The following ACOT6 variants were observed in gnomAD, a reference collection of about 807,000 sequenced individuals.
The protein encoded by ACOT6 is acyl-coenzyme A thioesterase 6.
Under a neutral mutation model 12.3 loss-of-function variants are expected in ACOT6, and 14 were observed. That is an observed-to-expected ratio of 1.14 (90% CI 0.75 to 1.78). ACOT6 has a LOEUF of 1.78. Ranked by LOEUF, ACOT6 falls within the 40% of genes most tolerant of loss-of-function variation. The pLI is 0.00. For synonymous variants in ACOT6, 218 were observed against 231.3 expected (o/e 0.94, Z 0.52); for missense variants, 523 against 551.8 (o/e 0.95, Z 0.52).
chr14:73,619,314 C>T lies in ACOT6; in HGVS notation c.741C>T (p.Gly247=). 1 of 1,613,702 alleles carries T rather than the reference C, an allele frequency of 6.2e-7. No individual in the cohort carries two copies. The highest frequency in any genetic ancestry group is 8.5e-7 in the Non-Finnish European group (1 of 1,179,912). The part of the protein sequence containing the change: ...LCLSMASFLK[G]ITATVLINAC... ...TCTCAATGGCTTCTTTCTTGAAGGG[C>T]ATCACAGCCACTGTACTTATCAATG... The change falls in exon 3 of 3, where the codon GGC becomes GGT. Residue 247 remains glycine, a synonymous_variant. Coordinates refer to ENST00000645972, the MANE Select transcript of ACOT6 (RefSeq NM_001365788.1).
rs1890594032 is a variant in ACOT6 at position 73,619,441 on chromosome 14, C to T, written c.868C>T (p.Leu290Phe). 1.9e-6 allele frequency: 3 copies of T among 1,614,182 alleles called. No individual in the cohort carries two copies. Among genetic ancestry groups the T allele is most frequent in the Non-Finnish European group, 2.5e-6 (3 of 1,180,026 alleles). ...GKVKITKSGF[L>F]TFMDTWSNPL... ...AGTAAAAATCACTAAGTCAGGATTTCTCACTTTTATGGACACTTGGAGCAA... is the reference window on the plus strand; with the variant it reads ...AGTAAAAATCACTAAGTCAGGATTTTTCACTTTTATGGACACTTGGAGCAA... Residue 290 changes from leucine to phenylalanine, a missense_variant, in exon 3 of 3, where the codon CTC (leucine) becomes TTC (phenylalanine). This residue lies in a region of ACOT6 where 219 missense variants were observed against 277.0 expected (regional missense o/e 0.79). Coordinates refer to ENST00000645972, the MANE Select transcript of ACOT6 (RefSeq NM_001365788.1).
intron 1 of ACOT6, among the ~76,000 whole-genome samples, chr14:73,615,645 G>A (rs533119076): frequency 2.0e-5 from 3 of 151,924 alleles, no homozygotes; most frequent in Admixed American, 6.6e-5. Flanking sequence ...CAGGAGAATC[G>A]CTTGAACCCG....
chr14:73,612,557 T>G lies in ACOT6; in HGVS notation c.-15T>G. The G allele has an allele frequency of 7.4e-7, 1 of 1,354,820 alleles. No homozygotes were observed. Among genetic ancestry groups the G allele is most frequent in the Non-Finnish European group, 9.6e-7 (1 of 1,040,492 alleles). The allele number at this position is 1,354,820 out of a possible 1,614,324, so 83.9% of individuals were successfully genotyped here. The stretch of plus-strand genomic sequence containing the variant: ...CTCCGCGGAGCTGGGTCGCCCCTGT[T>G]CTACCCAGATTGGGATGGCAGCGAC... On this transcript the variant is annotated 5_prime_UTR_variant, in exon 1 of 3. Coordinates refer to ENST00000645972, the MANE Select transcript of ACOT6 (RefSeq NM_001365788.1).
chr14:73,618,195 T>C (rs17128957), intron 2 of ACOT6, among the ~76,000 whole-genome samples: 9,677 of 152,144 alleles, frequency 0.064, 431 homozygotes, highest in East Asian at 0.19. Flanking sequence ...TAATTAAAAA[T>C]GGAATTATAT....
intron 1 of ACOT6, among the ~76,000 whole-genome samples, chr14:73,614,912 C>T (rs1268455201): frequency 6.7e-6 from 1 of 148,354 alleles, no homozygotes; most frequent in African/African-American, 2.5e-5. Context: ...GCCTGACCAA[C>T]ATGGTGAAAC....
intron 2 of ACOT6, among the ~76,000 whole-genome samples, chr14:73,618,641 T>C (rs930622688): frequency 2.0e-5 from 3 of 152,136 alleles, no homozygotes; most frequent in Non-Finnish European, 4.4e-5. Context: ...TATACTGTAT[T>C]TAACAGTTTG....
chr14:73,612,496 C>G (rs1890459158), upstream of ACOT6: 1 of 1,025,384 alleles, frequency 9.8e-7, no homozygotes, highest in South Asian at 2.6e-5. Flanking sequence ...CGACTACTTT[C>G]CAGCGCTCGG....
rs1890474525 is a variant in ACOT6 at position 73,612,983 on chromosome 14, C to G, written c.412C>G (p.Pro138Ala). ...TCTCCGGCCGGGGGTGCGGCGCGAG[C>G]CGGTGCGCGCGGGCCCGGTGCGCGC... is the stretch of plus-strand genomic sequence containing the variant. ...DFLRPGVRRE[P>A]VRAGPVRAAL... Residue 138 changes from proline to alanine, a missense_variant, in exon 1 of 3, where the codon CCG (proline) becomes GCG (alanine). Physicochemically the swap from Pro to Ala is conservative, Grantham distance 27 (BLOSUM62 -1). Transcript: ENST00000645972. The G allele has an allele frequency of 1.3e-5, 15 of 1,120,498 alleles. No individual in the cohort carries two copies. The highest frequency in any genetic ancestry group is 1.6e-5 in the Non-Finnish European group (13 of 834,000). 69.4% of individuals were successfully genotyped at this position (1,120,498 alleles called of 1,614,324 possible). A position where few individuals can be genotyped will look rare whatever the true frequency, so the allele number is the denominator to read the frequency against.
intron 1 of ACOT6, among the ~76,000 whole-genome samples, chr14:73,614,548 T>C (rs905910726): frequency 6.6e-6 from 1 of 151,518 alleles, no homozygotes. Flanking sequence ...AAGACTAGCC[T>C]GGCCAACATG....
chr14:73,612,716 C>CACGCGCGCTACCGTGCCG lies in ACOT6; in HGVS notation c.150_167dup (p.Tyr52_Arg57dup), dbSNP rs1295757344. 5 of 1,387,118 alleles carry CACGCGCGCTACCGTGCCG rather than the reference C, an allele frequency of 3.6e-6. No individual in the cohort carries two copies. Among genetic ancestry groups the CACGCGCGCTACCGTGCCG allele is most frequent in the East Asian group, 3.1e-5 (1 of 32,718 alleles). 85.9% of individuals were successfully genotyped at this position (1,387,118 alleles called of 1,614,324 possible). On this transcript the variant is annotated inframe_insertion, in exon 1 of 3. Transcript: ENST00000645972. Reference sequence around the variant, plus strand: ...CGAAGAGGGCGCGCTCTTCCGGGCCCACGCGCGCTACCGTGCCGACGCCCG... The same window carrying CACGCGCGCTACCGTGCCG: ...CGAAGAGGGCGCGCTCTTCCGGGCCCACGCGCGCTACCGTGCCGACGCGCGCTACCGTGCCGACGCCCG...
rs575550284 is a variant in ACOT6 at position 73,612,687 on chromosome 14, G to T, written c.116G>T (p.Arg39Leu). 4.3e-4 allele frequency: 611 copies of T among 1,406,900 alleles called. 7 individuals carry two copies. The highest frequency in any genetic ancestry group is 1.2e-4 in the Non-Finnish European group (128 of 1,085,380). 87.2% of individuals were successfully genotyped at this position (1,406,900 alleles called of 1,614,324 possible). A position where few individuals can be genotyped will look rare whatever the true frequency, so the allele number is the denominator to read the frequency against. The change falls in exon 1 of 3, where the codon CGC becomes CTC. Residue 39 changes from arginine to leucine, a missense_variant. Transcript: ENST00000645972. ...EQPVTLRTSL[R>L]DEEGALFRAH... ...CCAGTCACGCTGCGCACGTCCCTGC[G>T]CGACGAAGAGGGCGCGCTCTTCCGG...
At chr14:73,615,423 ACC>A (rs1890521452) in intron 1 of ACOT6, among the ~76,000 whole-genome samples, 2 of 141,848 alleles carry the variant, frequency 1.4e-5, no homozygotes, top group African/African-American at 5.4e-5. Flanking sequence ...AACAAAAAAA[ACC>A]AGCAACAACG....
intron 1 of ACOT6, 52 bp from the exon 2 acceptor site, chr14:73,616,942 C>G: frequency 1.7e-6 from 1 of 601,410 alleles, no homozygotes; most frequent in East Asian, 2.7e-5. Flanking sequence ...TGTTTGCTTA[C>G]TGTCTTTTGA....
rs1289886282 is a variant in ACOT6 at position 73,617,110 on chromosome 14, T to A, written c.578T>A (p.Phe193Tyr). The change falls in exon 2 of 3, where the codon TTT becomes TAT. Residue 193 changes from phenylalanine (F) to tyrosine (Y), a missense_variant. Around this residue, in one of 2 missense-constraint regions of ACOT6, gnomAD observed 219 missense variants for 277.0 expected, o/e 0.79. Coordinates refer to ENST00000645972, the MANE Select transcript of ACOT6 (RefSeq NM_001365788.1). ...GTGCTTGCCCTGGCTTATTTCAGAT[T>A]TGAAGACCTCCCCGAAGATCTGAAT... is the stretch of plus-strand genomic sequence containing the variant. ...FAVLALAYFR[F>Y]EDLPEDLNDV... The A allele has an allele frequency of 2.5e-6, 4 of 1,604,264 alleles. No individual in the cohort carries two copies. In the Admixed American group the frequency reaches 6.7e-5, roughly 27 times the overall value.
At chr14:73,617,318 G>A in intron 2 of ACOT6, 126 bp downstream of exon 2, 1 of 1,322,424 alleles carries the variant, frequency 7.6e-7, no homozygotes, top group Non-Finnish European at 1.1e-6. Flanking sequence ...CTCCTTCAAA[G>A]GTTACTAGGG....
Position 73,619,574 on chromosome 14 carries a change from A to G in ACOT6, c.1001A>G (p.Tyr334Cys). The change falls in exon 3 of 3, where the codon TAT becomes TGT. Residue 334 changes from tyrosine to cysteine, a missense_variant. By Grantham distance (194) the Tyr-to-Cys change is radical. Coordinates refer to ENST00000645972, the MANE Select transcript of ACOT6 (RefSeq NM_001365788.1). ...MDDQSWKSEF[Y>C]AQIASERLQA... ...GATCAAAGCTGGAAGAGTGAATTCTATGCTCAGATAGCCTCTGAAAGGCTA... is the reference window on the plus strand; with the variant it reads ...GATCAAAGCTGGAAGAGTGAATTCTGTGCTCAGATAGCCTCTGAAAGGCTA... The G allele has an allele frequency of 1.9e-6, 3 of 1,614,216 alleles. No homozygotes were observed. The highest frequency in any genetic ancestry group is 2.5e-6 in the Non-Finnish European group (3 of 1,180,034).
chr14:73,611,353 T>C (rs1192090671), upstream of ACOT6, among the ~76,000 whole-genome samples: 1 of 152,182 alleles, frequency 6.6e-6, no homozygotes, highest in Admixed American at 6.5e-5. Context: ...CCACAAACCA[T>C]AGGTTCCTTC....
At chr14:73,615,171 A>G (rs1202023588) in intron 1 of ACOT6, among the ~76,000 whole-genome samples, 4 of 149,736 alleles carry the variant, frequency 2.7e-5, no homozygotes, top group African/African-American at 7.4e-5. Flanking sequence ...GTGGATCACG[A>G]GGTCAGGAGT....
chr14:73,615,422 A>G (rs1429494202), intron 1 of ACOT6, among the ~76,000 whole-genome samples: 1 of 146,314 alleles, frequency 6.8e-6, no homozygotes, highest in Non-Finnish European at 1.5e-5. Flanking sequence ...AAACAAAAAA[A>G]ACCAGCAACA....
Sources: allele counts gnomAD v4.1 joint callset (sites outside exome capture counted in the v4.1 genomes callset), GRCh38; gene constraint gnomAD v4.1.1; regional missense constraint gnomAD v4.1.1; transcripts MANE v1.5; gene names NCBI Gene and HGNC (gene_info 2026-07-23, HGNC 2026-07-21).